Variants in CELF2 observed in about 807,000 individuals in gnomAD.
CELF2 encodes the protein CUGBP Elav-like family member 2, also known as CUG triplet repeat RNA-binding protein 2.
In CELF2, 8 loss-of-function variants were observed where a neutral mutation model predicts 62.6. The observed-to-expected ratio is 0.13, with a 90% CI of 0.07 to 0.23. CELF2 has a LOEUF of 0.23. Among genes scored for constraint, CELF2 ranks in the 10% least tolerant of loss-of-function variants. The pLI, the probability that CELF2 is intolerant of heterozygous loss-of-function variation, is 1.00. For missense variants in CELF2, 333 were observed against 671.0 expected (o/e 0.50, Z 5.56); for synonymous variants, 258 against 250.0 (o/e 1.03, Z -0.30).
At chr10:10,910,190 T>G (rs369124270) in intron 1 of CELF2, among the ~76,000 whole-genome samples, 1 of 152,282 alleles carries the variant, frequency 6.6e-6, no homozygotes, top group East Asian at 1.9e-4. Context: ...TTATATAAAA[T>G]TTTTGTTTTT....
At chr10:11,017,246 T>C (rs770376639), upstream of CELF2, among the ~76,000 whole-genome samples, 14 of 152,224 alleles carry the variant, frequency 9.2e-5, no homozygotes, top group Non-Finnish European at 1.9e-4. This position sits in a 1 kb window ranked among gnomAD's most constrained non-coding sequence, Gnocchi z 5.5. Context: ...TGGTTTCTAA[T>C]TATTGTGTTA....
At chr10:10,901,573 T>C (rs1366653638) in intron 1 of CELF2, among the ~76,000 whole-genome samples, 1 of 152,098 alleles carries the variant, frequency 6.6e-6, no homozygotes, top group Non-Finnish European at 1.5e-5. Context: ...GAAGAAAACA[T>C]TGGAGAAAAA....
Position 10,887,496 on chromosome 10 carries a change from G to A in CELF2, c.54-32468G>A, listed in dbSNP as rs74115444. Among the ~76,000 whole-genome samples the A allele has an allele frequency of 8.6e-3, 1,313 of 152,310 alleles. 20 individuals carry two copies. The highest frequency in any genetic ancestry group is 0.03 in the African/African-American group (1,247 of 41,574). ...TTCAATTGAATTGACTAGGCCGCTT[G>A]TCCAATTGATTTTGCTTCTGTTGAG... On this transcript the variant is annotated intron_variant, in intron 1 of 13. Transcript: ENST00000636488.
At chr10:10,671,539 C>T in the CELF2 span, among the ~76,000 whole-genome samples, 1 of 152,114 alleles carries the variant, frequency 6.6e-6, no homozygotes, top group African/African-American at 2.4e-5. Context: ...TGTATTATGC[C>T]ACATTCCCAC....
At chr10:11,213,269 T>C (rs978091233) in intron 2 of CELF2, among the ~76,000 whole-genome samples, 12 of 152,156 alleles carry the variant, frequency 7.9e-5, no homozygotes, top group Admixed American at 2.6e-4. Flanking sequence ...TACACCGATG[T>C]TGGAAACAGA....
At chr10:11,180,324 G>A (rs560799204) in intron 2 of CELF2, among the ~76,000 whole-genome samples, 2 of 152,288 alleles carry the variant, frequency 1.3e-5, no homozygotes, top group African/African-American at 2.4e-5. Context: ...TGGAGACTGC[G>A]TGCCTCTCCG....
At position 11,296,195 on chromosome 10, in the gene CELF2, G is replaced by A. The variant is rs1280538802; in HGVS notation, c.976+7643G>A. 2.0e-5 allele frequency among the ~76,000 whole-genome samples: 3 copies of A among 152,128 alleles called. No individual in the cohort carries two copies. The highest frequency in any genetic ancestry group is 3.9e-4 in the East Asian group (2 of 5,190). On this transcript the variant is annotated intron_variant, in intron 9 of 12. Coordinates refer to ENST00000633077, the MANE Select transcript of CELF2 (RefSeq NM_001326342.2). This position sits in a 1 kb window ranked among gnomAD's most constrained non-coding sequence, Gnocchi z 5.0. Reference sequence around the variant, plus strand: ...GCGCATTGTTCCTTGTTTTGAGTGGGCTTTTTAACATGTGCAGACATTGAC... The same window carrying A: ...GCGCATTGTTCCTTGTTTTGAGTGGACTTTTTAACATGTGCAGACATTGAC...
chr10:11,299,969 G>T (rs549995316), intron 9 of CELF2, among the ~76,000 whole-genome samples: 6 of 152,180 alleles, frequency 3.9e-5, no homozygotes, highest in African/African-American at 7.2e-5. Context: ...TGCCCCGCTC[G>T]TAGGAGATCC....
chr10:10,727,264 C>T, the CELF2 span, among the ~76,000 whole-genome samples: 2 of 152,188 alleles, frequency 1.3e-5, no homozygotes, highest in African/African-American at 4.8e-5. Flanking sequence ...AAAATAAGAT[C>T]CCTCTAAGGG....
At position 10,862,445 on chromosome 10, in the gene CELF2, CCT is replaced by C. The variant is rs199929394; in HGVS notation, c.54-57516_54-57515del. Among the ~76,000 whole-genome samples the C allele has an allele frequency of 7.8e-3, 1,181 of 152,264 alleles. 15 individuals are homozygous for C. The highest frequency in any genetic ancestry group is 0.027 in the African/African-American group (1,121 of 41,552). On this transcript the variant is annotated intron_variant, in intron 1 of 13. Coordinates refer to the CELF2 transcript ENST00000636488. The stretch of plus-strand genomic sequence containing the variant: ...CTCATTTGGGCTGTCAATCATAATG[CCT>C]CTTTGTGGACTTTCCAATAGGACCA...
chr10:10,721,569 G>A, the CELF2 span, among the ~76,000 whole-genome samples: 51 of 152,126 alleles, frequency 3.4e-4, no homozygotes, highest in Non-Finnish European at 6.0e-4. Flanking sequence ...CCTTCTTATC[G>A]TCTTTTGAAA....
At chr10:10,554,971 G>GA in the CELF2 span, among the ~76,000 whole-genome samples, 1 of 152,210 alleles carries the variant, frequency 6.6e-6, no homozygotes, top group Admixed American at 6.5e-5. Flanking sequence ...TTTGGTACAG[G>GA]AAAAGAAGGG....
chr10:10,943,145 G>T (rs1235139105), intron 2 of CELF2, among the ~76,000 whole-genome samples: 2 of 152,120 alleles, frequency 1.3e-5, no homozygotes, highest in Non-Finnish European at 2.9e-5. Flanking sequence ...CTTTATTGTT[G>T]GGGAGGGGAC....
chr10:10,654,773 G>T, the CELF2 span, among the ~76,000 whole-genome samples: 1 of 146,512 alleles, frequency 6.8e-6, no homozygotes, highest in Non-Finnish European at 1.5e-5. Flanking sequence ...TACTGAATGG[G>T]CAAAAACTGG....
the CELF2 span, among the ~76,000 whole-genome samples, chr10:10,488,440 G>A: frequency 1.3e-5 from 2 of 152,128 alleles, no homozygotes; most frequent in Non-Finnish European, 2.9e-5. Context: ...GGACAGAAGA[G>A]GTGATTTGTG....
intron 3 of CELF2, among the ~76,000 whole-genome samples, chr10:11,241,760 C>A (rs1264642057): frequency 6.6e-6 from 1 of 152,100 alleles, no homozygotes; most frequent in Non-Finnish European, 1.5e-5. Flanking sequence ...GGGAGACAGG[C>A]AAACCTGTGT....
Position 11,290,964 on chromosome 10 carries a change from GA to G in CELF2, c.976+2415del, listed in dbSNP as rs1456444402. ...GTCTAATTTCCATCAGGGACTTTTTGAAAGTCACAGAAAATGTGGTTAGTAG... is the reference window on the plus strand; with the variant it reads ...GTCTAATTTCCATCAGGGACTTTTTGAAGTCACAGAAAATGTGGTTAGTAG... On this transcript the variant is annotated intron_variant, in intron 9 of 12. Coordinates refer to ENST00000633077, the MANE Select transcript of CELF2 (RefSeq NM_001326342.2). This position sits in a 1 kb window ranked among gnomAD's most constrained non-coding sequence, Gnocchi z 4.3. 1.3e-5 allele frequency among the ~76,000 whole-genome samples: 2 copies of G among 152,194 alleles called. No individual in the cohort carries two copies. The highest frequency in any genetic ancestry group is 6.5e-5 in the Admixed American group (1 of 15,288).
chr10:11,055,691 C>T (rs982447308), intron 1 of CELF2, among the ~76,000 whole-genome samples: 2 of 152,230 alleles, frequency 1.3e-5, no homozygotes, highest in Non-Finnish European at 2.9e-5. Context: ...CGATTGCTCT[C>T]CCAAACTCTT....
intron 2 of CELF2, among the ~76,000 whole-genome samples, chr10:11,182,878 A>G (rs1475077885): frequency 6.6e-6 from 1 of 152,108 alleles, no homozygotes; most frequent in East Asian, 1.9e-4. Context: ...TGTGAACTTG[A>G]GTTTTTTAAT....
Sources: gnomAD v4.1 joint callset for allele counts (sites outside exome capture counted in the v4.1 genomes callset) on GRCh38, gnomAD v4.1.1 for gene constraint, Gnocchi (gnomAD v3.1) non-coding constraint, MANE v1.5 for transcripts, NCBI Gene and HGNC (gene_info 2026-07-23, HGNC 2026-07-21) for gene names.